ZNF106: variants seen among roughly 807,000 people sequenced by gnomAD.
The protein encoded by ZNF106 is SH3-domain binding protein 3.
In ZNF106, 67 loss-of-function variants were observed where a neutral mutation model predicts 195.1. That is an observed-to-expected ratio of 0.34 (90% confidence interval 0.28 to 0.42). ZNF106 has a LOEUF of 0.42. Ranked by LOEUF, ZNF106 falls within the 10% of genes least tolerant of loss-of-function variation. The pLI, the probability that ZNF106 is intolerant of heterozygous loss-of-function variation, is 1.00. For missense variants in ZNF106, 2,118 were observed against 2,304.5 expected, an observed-to-expected ratio of 0.92 and a Z score of 1.66; for synonymous variants, 784 against 818.6, an observed-to-expected ratio of 0.96 and a Z score of 0.72.
At position 42,439,673 on chromosome 15, in the gene ZNF106, A is replaced by C. The variant is rs777477603; in HGVS notation, c.3904T>G (p.Ser1302Ala). 4 of 1,613,932 alleles carry C rather than the reference A, an allele frequency of 2.5e-6. No individual in the cohort carries two copies. The highest frequency in any genetic ancestry group is 3.4e-6 in the Non-Finnish European group (4 of 1,179,964). The change falls in exon 11 of 22, where the codon TCT (serine) becomes GCT (alanine). Residue 1302 changes from serine to alanine, a missense_variant. Ser to Ala is a moderately conservative substitution (Grantham distance 99). Coordinates refer to ENST00000564754, the MANE Select transcript of ZNF106 (RefSeq NM_001366845.3). ...EQRNTRNREN[S>A]PSSQSAGLSS... ...AGACCAGCTGATTGGGAAGAGGGAG[A>C]GTTTTCTCTGTTTCTGGTATTTCTT...
chr15:42,489,333 A>G (rs1380510061), intron 1 of ZNF106, among the ~76,000 whole-genome samples: 1 of 151,804 alleles, frequency 6.6e-6, no homozygotes, highest in South Asian at 2.1e-4. Context: ...ATGTGCCATC[A>G]TGCCCAGCTA....
At chr15:42,444,792 G>T in intron 8 of ZNF106, 35 bp downstream of exon 8, 1 of 1,609,402 alleles carries the variant, frequency 6.2e-7, no homozygotes, top group Non-Finnish European at 8.5e-7. Flanking sequence ...TTTCGGAGAT[G>T]ATCCATTTTT....
intron 6 of ZNF106, 64 bp downstream of exon 6, chr15:42,448,008 T>G: frequency 6.6e-7 from 1 of 1,519,616 alleles, no homozygotes; most frequent in Non-Finnish European, 8.8e-7. Flanking sequence ...GTTGAACCTT[T>G]TTTCATAAGC....
At chr15:42,475,544 A>C (rs1231669586) in intron 1 of ZNF106, among the ~76,000 whole-genome samples, 1 of 152,246 alleles carries the variant, frequency 6.6e-6, no homozygotes, top group African/African-American at 2.4e-5. Context: ...TACCAAAACA[A>C]AGAAATATAC....
intron 16 of ZNF106, chr15:42,424,596 C>T: frequency 2.3e-6 from 1 of 428,902 alleles, no homozygotes; most frequent in Admixed American, 3.8e-5. Flanking sequence ...AGTGATTCTC[C>T]CACCTCAGCC....
Position 42,451,346 on chromosome 15 carries a change from T to C in ZNF106, c.926A>G (p.Asp309Gly). The stretch of plus-strand genomic sequence containing the variant: ...ATATGTGGCAACTGTACCAAGTTTG[T>C]CATTTTCTTGCCGCTGCCAATTATA... ...DRYNWQRQEN[D>G]KLGTVATYRG... The change falls in exon 5 of 22, where the codon GAC becomes GGC. Residue 309 changes from aspartate to glycine, a missense_variant. Coordinates refer to ENST00000564754, the MANE Select transcript of ZNF106 (RefSeq NM_001366845.3). 1.2e-6 allele frequency: 2 copies of C among 1,613,834 alleles called. No individual in the cohort carries two copies. Among genetic ancestry groups the C allele is most frequent in the Non-Finnish European group, 1.7e-6 (2 of 1,179,750 alleles).
chr15:42,479,865 A>G lies in ZNF106; in HGVS notation c.-32-7544T>C, dbSNP rs1038912026. ...TCAATAAATAAATAAATAAAAATAA[A>G]TAAAGACACAGTCCCACTCTGTCAC... On this transcript the variant is annotated intron_variant, in intron 1 of 21. Transcript: ENST00000564754. Among the ~76,000 whole-genome samples, 5 of 152,198 alleles carry G rather than the reference A, an allele frequency of 3.3e-5. No individual in the cohort carries two copies. The East Asian group carries it at 7.7e-4, about 24-fold the overall frequency.
At position 42,439,780 on chromosome 15, in the gene ZNF106, A is replaced by T. The variant is rs763704507; in HGVS notation, c.3797T>A (p.Val1266Asp). The T allele has an allele frequency of 1.3e-6, 2 of 1,574,210 alleles. No homozygotes were observed. The highest frequency in any genetic ancestry group is 2.7e-5 in the African/African-American group (2 of 72,916). The stretch of plus-strand genomic sequence containing the variant: ...TGGTAAGGACAATCTAGCAGTGATG[A>T]CTGGATAAACTGGACAACTGTCACT... ...EISDSCPVYP[V>D]ITARLSLPES... Residue 1266 changes from valine to aspartate, a missense_variant, in exon 11 of 22, where the codon GTC becomes GAC. By Grantham distance (152) the Val-to-Asp change is radical. Coordinates refer to ENST00000564754, the MANE Select transcript of ZNF106 (RefSeq NM_001366845.3).
At position 42,445,354 on chromosome 15, in the gene ZNF106, A is replaced by G. The variant is rs1595461857; in HGVS notation, c.3206-373T>C. 3.9e-5 allele frequency among the ~76,000 whole-genome samples: 6 copies of G among 152,138 alleles called. No individual in the cohort carries two copies. In the South Asian group the frequency reaches 1.2e-3, roughly 31 times the overall value. ...CACACAGGACTTTTGCTTAGATTGGACTCTAGACCTAGACTGCTTGCACTC... is the reference window on the plus strand; with the variant it reads ...CACACAGGACTTTTGCTTAGATTGGGCTCTAGACCTAGACTGCTTGCACTC... On this transcript the variant is annotated intron_variant, in intron 7 of 21. Coordinates refer to ENST00000564754, the MANE Select transcript of ZNF106 (RefSeq NM_001366845.3).
intron 4 of ZNF106, among the ~76,000 whole-genome samples, chr15:42,455,547 T>G (rs1376650254): frequency 3.3e-5 from 5 of 152,164 alleles, no homozygotes; most frequent in African/African-American, 1.2e-4. Flanking sequence ...TTCAAAAAAC[T>G]TTTTTTTAAT....
intron 15 of ZNF106, 147 bp from the exon 16 acceptor site, chr15:42,425,172 T>A: frequency 1.3e-6 from 1 of 752,322 alleles, no homozygotes; most frequent in East Asian, 2.7e-5. Context: ...CCATCTCCGC[T>A]ATTTCCCACT....
intron 1 of ZNF106, among the ~76,000 whole-genome samples, chr15:42,474,499 C>A (rs2056746473): frequency 6.6e-6 from 1 of 152,142 alleles, no homozygotes; most frequent in Admixed American, 6.6e-5. Flanking sequence ...TGGCTCACAG[C>A]TGTAATCACA....
chr15:42,484,471 C>T (rs1352865295), intron 1 of ZNF106, among the ~76,000 whole-genome samples: 2 of 152,100 alleles, frequency 1.3e-5, no homozygotes, highest in African/African-American at 2.4e-5. Context: ...ATAAAAAATA[C>T]CATGAATAGG....
At chr15:42,463,433 T>C (rs2056438545) in intron 3 of ZNF106, among the ~76,000 whole-genome samples, 1 of 152,110 alleles carries the variant, frequency 6.6e-6, no homozygotes, top group South Asian at 2.1e-4. Flanking sequence ...GAGTGGCTCA[T>C]GCCTGTAGTC....
chr15:42,437,127 C>G (rs1237189971), intron 13 of ZNF106, 105 bp downstream of exon 13: 26 of 1,241,986 alleles, frequency 2.1e-5, no homozygotes, highest in Non-Finnish European at 2.3e-5. Context: ...CAGGCCCACC[C>G]CTTCCTTCAG....
At chr15:42,446,785 C>T (rs932084021) in intron 6 of ZNF106, 127 bp from the exon 7 acceptor site, 24 of 804,734 alleles carry the variant, frequency 3.0e-5, no homozygotes, top group Non-Finnish European at 4.2e-5. Flanking sequence ...CTAACATGAT[C>T]GTAGAAGTCT....
At chr15:42,459,590 G>A (rs1217371971) in intron 3 of ZNF106, among the ~76,000 whole-genome samples, 1 of 152,146 alleles carries the variant, frequency 6.6e-6, no homozygotes, top group African/African-American at 2.4e-5. Context: ...CCAACTGAAC[G>A]TTAATAACAA....
chr15:42,475,910 G>A (rs559182314), intron 1 of ZNF106, among the ~76,000 whole-genome samples: 3 of 152,138 alleles, frequency 2.0e-5, no homozygotes, highest in African/African-American at 7.2e-5. Context: ...CAGTTACTGT[G>A]GAGTTTTTAT....
At chr15:42,424,456 A>G (rs1034572726) in intron 16 of ZNF106, 3 of 266,046 alleles carry the variant, frequency 1.1e-5, no homozygotes, top group Non-Finnish European at 1.4e-5. Flanking sequence ...ATGAGACAAC[A>G]CGGGAAATGC....
Sources: gnomAD v4.1 joint callset for allele counts (sites outside exome capture counted in the v4.1 genomes callset) on GRCh38, gnomAD v4.1.1 for gene constraint, MANE v1.5 for transcripts, NCBI Gene and HGNC (gene_info 2026-07-23, HGNC 2026-07-21) for gene names.